The following BMPR1A variants were observed in gnomAD, a reference collection of about 807,000 sequenced individuals.
The protein encoded by BMPR1A is bone morphogenetic protein receptor type-1A.
Under a neutral mutation model 66.0 loss-of-function variants are expected in BMPR1A, and 7 were observed. That is an observed-to-expected ratio of 0.11 (90% CI 0.06 to 0.20). BMPR1A has a LOEUF of 0.20. BMPR1A is among the 10% of genes least tolerant of loss of function. The pLI, the probability that BMPR1A is intolerant of heterozygous loss-of-function variation, is 1.00. For synonymous variants in BMPR1A, 200 were observed against 229.7 expected, an observed-to-expected ratio of 0.87 and a Z score of 1.17; for missense variants, 408 against 669.1, an observed-to-expected ratio of 0.61 and a Z score of 4.31.
intron 1 of BMPR1A, among the ~76,000 whole-genome samples, chr10:86,769,803 G>A (rs1277981763): frequency 6.6e-6 from 1 of 152,160 alleles, no homozygotes; most frequent in Non-Finnish European, 1.5e-5. Context: ...GATTACCTAG[G>A]CAGTATTAAT....
intron 1 of BMPR1A, among the ~76,000 whole-genome samples, chr10:86,797,647 G>A (rs1397903909): frequency 1.7e-4 from 26 of 152,158 alleles, no homozygotes; most frequent in Admixed American, 1.4e-3. Context: ...GATTACAGGC[G>A]TGAGCCACCG....
rs533703859 is a variant in BMPR1A at position 86,876,769 on chromosome 10, T to A, written c.67+684T>A. On this transcript the variant is annotated intron_variant, in intron 3 of 12. Transcript: ENST00000372037. ...CCTGGGCGACAGAGCAAGACTCTTG[T>A]CCCTGCCCCAACCAAAAAATTTCAT... 8.1e-4 allele frequency among the ~76,000 whole-genome samples: 123 copies of A among 152,294 alleles called. 1 individual carries two copies. Among genetic ancestry groups the A allele is most frequent in the African/African-American group, 2.9e-3 (119 of 41,560 alleles).
intron 1 of BMPR1A, among the ~76,000 whole-genome samples, chr10:86,804,606 T>C (rs1157076373): frequency 6.6e-6 from 1 of 152,168 alleles, no homozygotes. Flanking sequence ...CTTTAATATA[T>C]GAATTTAATT....
chr10:86,758,043 T>C (rs1214829625), intron 1 of BMPR1A, among the ~76,000 whole-genome samples: 1 of 152,248 alleles, frequency 6.6e-6, no homozygotes, highest in Non-Finnish European at 1.5e-5. Flanking sequence ...TTAATGCGTC[T>C]CATTGTTTTC....
At chr10:86,900,253 G>A in intron 7 of BMPR1A, 127 bp downstream of exon 7, 3 of 884,474 alleles carry the variant, frequency 3.4e-6, no homozygotes, top group Non-Finnish European at 5.3e-6. Flanking sequence ...TATGTAACTA[G>A]ACTATAGTTC....
At chr10:86,902,497 A>G (rs902170514) in intron 7 of BMPR1A, among the ~76,000 whole-genome samples, 1 of 152,182 alleles carries the variant, frequency 6.6e-6, no homozygotes, top group African/African-American at 2.4e-5. Context: ...GTGCTCTCTA[A>G]GCAATGGGTA....
intron 2 of BMPR1A, among the ~76,000 whole-genome samples, chr10:86,871,341 G>T (rs1334014289): frequency 1.3e-5 from 2 of 152,012 alleles, no homozygotes; most frequent in Non-Finnish European, 2.9e-5. Flanking sequence ...TTTGTTTAAG[G>T]ACTCTGAACT....
At chr10:86,756,251 G>C (rs1272894466), upstream of BMPR1A, 1 of 152,140 alleles carries the variant, frequency 6.6e-6, no homozygotes, top group Non-Finnish European at 1.5e-5. Context: ...GCGTTCCATC[G>C]CGTGCTACCT....
chr10:86,772,849 T>C (rs975931766), intron 1 of BMPR1A, among the ~76,000 whole-genome samples: 3 of 152,110 alleles, frequency 2.0e-5, no homozygotes, highest in African/African-American at 7.2e-5. Context: ...ACAGAACAAA[T>C]TGAAACACAT....
intron 1 of BMPR1A, among the ~76,000 whole-genome samples, chr10:86,778,154 A>G (rs1176389089): frequency 1.3e-5 from 2 of 152,082 alleles, no homozygotes; most frequent in Non-Finnish European, 2.9e-5. Flanking sequence ...CTCATGGGCT[A>G]CATGTGGCCC....
rs540441202 is a variant in BMPR1A at position 86,772,140 on chromosome 10, T to G, written c.-268+15221T>G. Among the ~76,000 whole-genome samples, 375 of 146,430 alleles carry G rather than the reference T, an allele frequency of 2.6e-3. 1 individual carries two copies. The highest frequency in any genetic ancestry group is 3.9e-3 in the Non-Finnish European group (256 of 66,486). On this transcript the variant is annotated intron_variant, in intron 1 of 12. Transcript: ENST00000372037. Reference sequence around the variant, plus strand: ...GTCAGAGATAGGTTTTTTTTTTTTTTTTTTTTTTGAGACAGAGTCTTTCTC... The same window carrying G: ...GTCAGAGATAGGTTTTTTTTTTTTTGTTTTTTTTGAGACAGAGTCTTTCTC...
intron 1 of BMPR1A, among the ~76,000 whole-genome samples, chr10:86,772,831 T>G (rs926508476): frequency 2.6e-5 from 4 of 152,088 alleles, no homozygotes; most frequent in Admixed American, 2.6e-4. Context: ...ATTGCAAAAA[T>G]AATGCTTACA....
intron 1 of BMPR1A, among the ~76,000 whole-genome samples, chr10:86,805,584 C>T (rs1031801343): frequency 2.0e-5 from 3 of 151,744 alleles, no homozygotes; most frequent in Non-Finnish European, 4.4e-5. Context: ...GCCTCAGCCT[C>T]CCGAGTAGCT....
intron 1 of BMPR1A, among the ~76,000 whole-genome samples, chr10:86,759,202 C>A (rs533620318): frequency 6.6e-6 from 1 of 152,138 alleles, no homozygotes; most frequent in African/African-American, 2.4e-5. Flanking sequence ...TGAAGAGGGG[C>A]CTTTTGTGAC....
intron 2 of BMPR1A, among the ~76,000 whole-genome samples, chr10:86,866,399 C>CTTTTTTTTTTTCTTTT (rs1589752897): frequency 4.9e-4 from 34 of 69,452 alleles, no homozygotes; most frequent in South Asian, 1.1e-3. Context: ...AAGTTTCTTT[C>CTTTTTTTTTTTCTTTT]TTTTTTTTTT....
downstream of BMPR1A, chr10:86,931,635 G>T (rs1843812106): frequency 6.6e-6 from 1 of 152,216 alleles, no homozygotes; most frequent in African/African-American, 2.4e-5. Flanking sequence ...CTTGTCACCA[G>T]TGAGAAGTCT....
intron 7 of BMPR1A, among the ~76,000 whole-genome samples, chr10:86,902,258 G>C (rs1387164265): frequency 6.6e-6 from 1 of 151,984 alleles, no homozygotes; most frequent in Non-Finnish European, 1.5e-5. Flanking sequence ...TCATTTTGGG[G>C]GGCCTGTTTT....
intron 1 of BMPR1A, among the ~76,000 whole-genome samples, chr10:86,818,828 A>T (rs1240808116): frequency 6.6e-6 from 1 of 152,194 alleles, no homozygotes; most frequent in Non-Finnish European, 1.5e-5. Context: ...TAGAGAAATT[A>T]CTCAAGCCCC....
chr10:86,910,782 T>C (rs1843469699), intron 7 of BMPR1A, among the ~76,000 whole-genome samples: 1 of 152,202 alleles, frequency 6.6e-6, no homozygotes, highest in Non-Finnish European at 1.5e-5. Context: ...ACATTCTGAA[T>C]GGACCATATG....
Sources: allele counts gnomAD v4.1 joint callset (sites outside exome capture counted in the v4.1 genomes callset), GRCh38; gene constraint gnomAD v4.1.1; transcripts MANE v1.5; gene names NCBI Gene and HGNC (gene_info 2026-07-23, HGNC 2026-07-21).